TTC27: variants seen among roughly 807,000 people sequenced by gnomAD.
TTC27 encodes tetratricopeptide repeat protein 27.
Under a neutral mutation model 115.9 loss-of-function variants are expected in TTC27, and 79 were observed. The observed-to-expected ratio is 0.68, with a 90% CI of 0.57 to 0.82. The LOEUF is 0.82. Among genes scored for constraint, TTC27 ranks in the 40% least tolerant of loss-of-function variants. TTC27 has a pLI of 0.00. For missense variants in TTC27, 1,054 were observed against 993.1 expected (o/e 1.06, Z -0.82); for synonymous variants, 401 against 356.0 (o/e 1.13, Z -1.42).
chr2:32,741,604 A>G (rs892562318), intron 12 of TTC27, among the ~76,000 whole-genome samples: 15 of 152,056 alleles, frequency 9.9e-5, no homozygotes, highest in African/African-American at 2.9e-4. Flanking sequence ...GTGAGCTGAG[A>G]TCACACCACT....
At chr2:32,744,049 T>C (rs3769581) in intron 12 of TTC27, among the ~76,000 whole-genome samples, 42,983 of 152,102 alleles carry the variant, frequency 0.28, 6,192 homozygotes, top group South Asian at 0.42. Context: ...AGATGACTAA[T>C]AGACAAACTT....
At chr2:32,790,232 T>C (rs1040927278) in intron 16 of TTC27, among the ~76,000 whole-genome samples, 17 of 151,956 alleles carry the variant, frequency 1.1e-4, no homozygotes, top group Non-Finnish European at 2.4e-4. Flanking sequence ...CCTGTACCTG[T>C]TTTTTTCTAT....
intron 12 of TTC27, among the ~76,000 whole-genome samples, chr2:32,751,164 G>A (rs1668995524): frequency 6.6e-6 from 1 of 151,836 alleles, no homozygotes; most frequent in Non-Finnish European, 1.5e-5. Context: ...AACAGTAGCT[G>A]TAATCAGAGC....
chr2:32,711,984 C>T (rs1324397083), intron 10 of TTC27, among the ~76,000 whole-genome samples: 1 of 151,902 alleles, frequency 6.6e-6, no homozygotes, highest in Non-Finnish European at 1.5e-5. Context: ...AGAAAGGACC[C>T]CCTTAGGAAA....
intron 13 of TTC27, among the ~76,000 whole-genome samples, chr2:32,775,223 A>T (rs1669953218): frequency 6.6e-6 from 1 of 152,154 alleles, no homozygotes; most frequent in South Asian, 2.1e-4. Context: ...TTTGAGACGG[A>T]GTCTCGCTCT....
intron 5 of TTC27, among the ~76,000 whole-genome samples, chr2:32,663,115 A>C (rs771743654): frequency 5.3e-5 from 8 of 152,144 alleles, no homozygotes; most frequent in Non-Finnish European, 1.0e-4. Flanking sequence ...GCTGGGCTTC[A>C]TGGGGGTGGG....
intron 5 of TTC27, among the ~76,000 whole-genome samples, chr2:32,661,883 A>C (rs1665561547): frequency 6.6e-6 from 1 of 152,188 alleles, no homozygotes; most frequent in Non-Finnish European, 1.5e-5. Context: ...TTGCCCATTC[A>C]GTATGATATT....
At chr2:32,775,532 A>G (rs190678616) in intron 13 of TTC27, among the ~76,000 whole-genome samples, 7 of 152,286 alleles carry the variant, frequency 4.6e-5, no homozygotes, top group Admixed American at 3.9e-4. Context: ...CATGGGAAAT[A>G]GTATCTGTTC....
intron 9 of TTC27, among the ~76,000 whole-genome samples, chr2:32,687,236 A>G (rs1666664119): frequency 6.6e-6 from 1 of 152,212 alleles, no homozygotes; most frequent in Non-Finnish European, 1.5e-5. Flanking sequence ...TATGTGAAGG[A>G]TTACTCTATT....
intron 7 of TTC27, among the ~76,000 whole-genome samples, chr2:32,668,059 C>T (rs1416450616): frequency 6.6e-5 from 10 of 150,848 alleles, no homozygotes; most frequent in East Asian, 3.9e-4. Context: ...GGCGTGGTGG[C>T]GGGTGCCTGT....
At chr2:32,818,805 C>T (rs549663149) in intron 19 of TTC27, among the ~76,000 whole-genome samples, 160 of 152,220 alleles carry the variant, frequency 1.1e-3, no homozygotes, top group African/African-American at 3.6e-3. Context: ...ACTCTGTAAC[C>T]GCCTTTCTGA....
chr2:32,814,716 G>T (rs557144043), intron 18 of TTC27, among the ~76,000 whole-genome samples: 5 of 152,192 alleles, frequency 3.3e-5, no homozygotes, highest in Non-Finnish European at 7.4e-5. Flanking sequence ...TGTTCTGATT[G>T]CCTGCAGTGT....
chr2:32,802,182 A>G (rs1008235164), intron 16 of TTC27, among the ~76,000 whole-genome samples: 7 of 152,314 alleles, frequency 4.6e-5, no homozygotes, highest in African/African-American at 1.7e-4. Flanking sequence ...TTTCCAGATG[A>G]AAAGGCAAGT....
intron 10 of TTC27, chr2:32,704,741 A>G (rs538867438): frequency 1.8e-4 from 74 of 401,412 alleles, no homozygotes; most frequent in Non-Finnish European, 3.3e-4. Flanking sequence ...ATTATGGGCT[A>G]GTTATTTTGG....
At chr2:32,670,329 C>T (rs1418936684) in intron 7 of TTC27, among the ~76,000 whole-genome samples, 2 of 152,148 alleles carry the variant, frequency 1.3e-5, no homozygotes, top group Non-Finnish European at 2.9e-5. Flanking sequence ...AGACGCGTGT[C>T]ACCACCACCA....
At chr2:32,787,273 G>T in intron 16 of TTC27, 124 bp downstream of exon 16, 9 of 1,056,968 alleles carry the variant, frequency 8.5e-6, no homozygotes, top group South Asian at 4.1e-5. Flanking sequence ...ATATGAAAAG[G>T]GTATTTTTTT....
At chr2:32,820,366 G>T (rs1671647122) in intron 19 of TTC27, among the ~76,000 whole-genome samples, 1 of 152,094 alleles carries the variant, frequency 6.6e-6, no homozygotes, top group Admixed American at 6.5e-5. Context: ...GGACTTTTTT[G>T]CTAGGATAAT....
At chr2:32,684,184 T>C (rs1666546961) in intron 9 of TTC27, among the ~76,000 whole-genome samples, 1 of 152,106 alleles carries the variant, frequency 6.6e-6, no homozygotes, top group African/African-American at 2.4e-5. Context: ...GTTTGGTTTT[T>C]TGTTCTTGCG....
At chr2:32,800,174 T>TA (rs1170538201) in intron 16 of TTC27, among the ~76,000 whole-genome samples, 49 of 152,208 alleles carry the variant, frequency 3.2e-4, no homozygotes, top group African/African-American at 1.2e-3. Flanking sequence ...GGCAGATACA[T>TA]ACAAGTGCTG....
Sources: gnomAD v4.1 joint callset for allele counts (sites outside exome capture counted in the v4.1 genomes callset) on GRCh38, gnomAD v4.1.1 for gene constraint, MANE v1.5 for transcripts, NCBI Gene and HGNC (gene_info 2026-07-23, HGNC 2026-07-21) for gene names.